DDX60: variants seen among roughly 807,000 people sequenced by gnomAD.
DDX60 encodes DExD/H-box helicase 60, also known as probable ATP-dependent RNA helicase DDX60.
Under a neutral mutation model 212.8 loss-of-function variants are expected in DDX60, and 165 were observed. The ratio of observed to expected loss-of-function variants is 0.78; its 90% CI spans 0.68 to 0.88. The LOEUF (loss-of-function observed/expected upper bound fraction) is 0.88. DDX60 is among the 40% of genes least tolerant of loss of function. The pLI is 0.00. For synonymous variants in DDX60, 703 were observed against 685.3 expected (o/e 1.03, Z -0.40); for missense variants, 1,905 against 2,003.9 (o/e 0.95, Z 0.94).
At chr4:168,231,157 G>C (rs560967260) in intron 33 of DDX60, among the ~76,000 whole-genome samples, 1 of 151,964 alleles carries the variant, frequency 6.6e-6, no homozygotes, top group South Asian at 2.1e-4. Context: ...AAACCAAGAA[G>C]AAATAGAAAC....
At chr4:168,245,484 C>G (rs1733989510) in intron 30 of DDX60, among the ~76,000 whole-genome samples, 1 of 151,990 alleles carries the variant, frequency 6.6e-6, no homozygotes. Flanking sequence ...CCCTGATAAC[C>G]ATTTAAAAAA....
Position 168,255,845 on chromosome 4 carries a change from GT to G in DDX60, c.3422del (p.Asn1141ThrfsTer6). ...FFLFKLGAVE[N>X]AAESVSTFLK... ...GGAAAGTGCTCACACTTTCAGCTGC[GT>G]TTTCTACAGCTCCTAACTTGAATCT... On this transcript the variant is annotated frameshift_variant, in exon 26 of 38. Coordinates refer to ENST00000393743, the MANE Select transcript of DDX60 (RefSeq NM_017631.6). LOFTEE classifies it high-confidence loss of function. 1 of 1,590,758 alleles carries G rather than the reference GT, an allele frequency of 6.3e-7. No homozygotes were observed. Among genetic ancestry groups the G allele is most frequent in the Non-Finnish European group, 8.5e-7 (1 of 1,173,252 alleles).
chr4:168,298,157 T>C (rs933371703), intron 6 of DDX60, among the ~76,000 whole-genome samples: 1 of 151,796 alleles, frequency 6.6e-6, no homozygotes, highest in African/African-American at 2.4e-5. Context: ...AGCCCAAAGT[T>C]TAAAATTGTT....
At chr4:168,218,919 T>C (rs1328278131) in intron 37 of DDX60, among the ~76,000 whole-genome samples, 1 of 152,144 alleles carries the variant, frequency 6.6e-6, no homozygotes, top group African/African-American at 2.4e-5. Flanking sequence ...TGACCATGTT[T>C]GTAAGGTCTA....
chr4:168,238,654 A>T (rs28431950), intron 30 of DDX60, among the ~76,000 whole-genome samples: 25,411 of 151,850 alleles, frequency 0.17, 3,678 homozygotes, highest in African/African-American at 0.38. Flanking sequence ...TATGCCACAT[A>T]TAGTCAGAGA....
chr4:168,238,459 G>C (rs954166734), intron 30 of DDX60, among the ~76,000 whole-genome samples: 2 of 126,502 alleles, frequency 1.6e-5, no homozygotes, highest in Non-Finnish European at 3.4e-5. Context: ...GAAGGGAAGG[G>C]AAGGGAAGGG....
rs371708675 is a variant in DDX60, at chr4:168,268,969, C to T, written c.2671G>A (p.Val891Ile). 6.8e-7 allele frequency: 1 copy of T among 1,469,840 alleles called. No individual in the cohort carries two copies. The highest frequency in any genetic ancestry group is 9.1e-7 in the Non-Finnish European group (1 of 1,101,688). The allele number at this position is 1,469,840 out of a possible 1,614,324, so 91.0% of individuals were successfully genotyped here. A position where few individuals can be genotyped will look rare whatever the true frequency, so the allele number is the denominator to read the frequency against. ...KKIRYVIFDE[V>I]HCLGGEIGAE... Reference sequence around the variant, plus strand: ...CCAATTTCTCCACCAAGACAATGAACCTATTAAACAAAAAAAAAAAAATCT... The same window carrying T: ...CCAATTTCTCCACCAAGACAATGAATCTATTAAACAAAAAAAAAAAAATCT... The change falls in exon 20 of 38, where the codon GTT becomes ATT. Residue 891 changes from valine (V) to isoleucine (I), a missense_variant and splice_region_variant. By Grantham distance (29) the Val-to-Ile change is conservative (BLOSUM62 3). Transcript: ENST00000393743.
At chr4:168,255,116 G>A (rs1050631529) in intron 26 of DDX60, among the ~76,000 whole-genome samples, 7 of 152,150 alleles carry the variant, frequency 4.6e-5, no homozygotes, top group African/African-American at 1.7e-4. Flanking sequence ...AAGATATGAT[G>A]AGCTTCTAAG....
rs758558775 is a variant in DDX60, at chr4:168,308,048, A to T, written c.222T>A (p.Asp74Glu). 1.2e-6 allele frequency: 2 copies of T among 1,607,852 alleles called. No homozygotes were observed. Among genetic ancestry groups the T allele is most frequent in the South Asian group, 1.1e-5 (1 of 88,950 alleles). ...TGAATTGTCCTCCTTTGCTAATAAG[A>T]TCCACAAGATAGCGTTCAACCAGAT... The part of the protein sequence containing the change: ...FFYLVERYLV[D>E]LISKGGQFTI... The change falls in exon 4 of 38, where the codon GAT becomes GAA. Residue 74 changes from aspartate (D) to glutamate (E), a missense_variant. By Grantham distance (45) the Asp-to-Glu change is conservative. Transcript: ENST00000393743.
chr4:168,247,190 G>A (rs367824084), intron 29 of DDX60, among the ~76,000 whole-genome samples: 35 of 152,320 alleles, frequency 2.3e-4, no homozygotes, highest in African/African-American at 8.2e-4. Flanking sequence ...ACTATGGTAA[G>A]GCACTGGGAA....
chr4:168,294,042 G>T, intron 6 of DDX60, 97 bp from the exon 7 acceptor site: 1 of 1,100,530 alleles, frequency 9.1e-7, no homozygotes, highest in Non-Finnish European at 1.3e-6. Flanking sequence ...CTTAATACAT[G>T]TGTGACAAAA....
intron 28 of DDX60, among the ~76,000 whole-genome samples, chr4:168,250,336 G>T (rs1012339957): frequency 1.3e-5 from 2 of 152,106 alleles, no homozygotes; most frequent in Non-Finnish European, 2.9e-5. Context: ...AAGGTCAGGA[G>T]TTCGAGACCA....
chr4:168,247,230 C>G (rs1432270930), intron 29 of DDX60, among the ~76,000 whole-genome samples: 2 of 152,088 alleles, frequency 1.3e-5, no homozygotes, highest in Non-Finnish European at 2.9e-5. Flanking sequence ...CTGAAACAAC[C>G]ACAGAGTGGA....
intron 19 of DDX60, 69 bp downstream of exon 19, chr4:168,271,974 C>T: frequency 7.9e-7 from 1 of 1,259,978 alleles, no homozygotes; most frequent in Non-Finnish European, 1.1e-6. Flanking sequence ...TGTCCTGAAA[C>T]ACCAAATATC....
rs1172654313 is a variant in DDX60 at position 168,309,625 on chromosome 4, G to C, written c.74+1373C>G. On this transcript the variant is annotated intron_variant, in intron 3 of 37. Transcript: ENST00000393743. ...AAGCAAAGTATATGACAAAGCAAAA[G>C]GAAGACGAAATATCTAAAACTGGAA... 5.3e-5 allele frequency among the ~76,000 whole-genome samples: 8 copies of C among 151,984 alleles called. 1 individual carries two copies. The highest frequency in any genetic ancestry group is 3.9e-4 in the Admixed American group (6 of 15,250).
In DDX60 at chr4:168,262,002, G is replaced by C. The variant is rs1734642634; in HGVS notation, c.3271C>G (p.Gln1091Glu). ...GCCAAAAAGCGTATGAAAATTACCTGCTCTACGTTGCCATTTTTAATCCAA... is the reference window on the plus strand; with the variant it reads ...GCCAAAAAGCGTATGAAAATTACCTCCTCTACGTTGCCATTTTTAATCCAA... ...TSWIKNGNVE[Q>E]ARMVLQNLSP... The change falls in exon 24 of 38, where the codon CAG becomes GAG. Residue 1091 changes from glutamine (Q) to glutamate (E), a missense_variant and splice_region_variant. Gln to Glu is a conservative substitution (Grantham distance 29, BLOSUM62 2). Transcript: ENST00000393743. The C allele has an allele frequency of 6.3e-7, 1 of 1,591,566 alleles. No homozygotes were observed. Among genetic ancestry groups the C allele is most frequent in the African/African-American group, 1.4e-5 (1 of 73,488 alleles).
the DDX60 span, among the ~76,000 whole-genome samples, chr4:168,324,589 C>G: frequency 6.6e-6 from 1 of 152,140 alleles, no homozygotes; most frequent in Admixed American, 6.5e-5. Context: ...GCCTCCAGAA[C>G]CCAAAAGGAC....
At chr4:168,250,220 T>C (rs1734167270) in intron 28 of DDX60, among the ~76,000 whole-genome samples, 1 of 152,136 alleles carries the variant, frequency 6.6e-6, no homozygotes, top group South Asian at 2.1e-4. Context: ...AAGTATTTAT[T>C]TAGGAAATAT....
chr4:168,306,265 CCTAT>C, intron 5 of DDX60, 110 bp downstream of exon 5: 6 of 629,122 alleles, frequency 9.5e-6, no homozygotes, highest in Non-Finnish European at 1.6e-5. Context: ...AATTGTTATA[CCTAT>C]CTGTTAAGCC....
Sources: allele counts gnomAD v4.1 joint callset (sites outside exome capture counted in the v4.1 genomes callset), GRCh38; gene constraint gnomAD v4.1.1; transcripts MANE v1.5; gene names NCBI Gene and HGNC (gene_info 2026-07-23, HGNC 2026-07-21).